FER1L6: variants seen among roughly 807,000 people sequenced by gnomAD.
FER1L6 encodes fer-1 like family member 6.
FER1L6 carries 177 observed loss-of-function variants against 219.2 expected under a neutral mutation model. The observed-to-expected ratio is 0.81, with a 90% CI of 0.71 to 0.91. FER1L6 has a LOEUF of 0.91. Among genes scored for constraint, FER1L6 ranks in the 40% least tolerant of loss-of-function variants. The probability of loss-of-function intolerance (pLI) is 0.00; values close to 1 mark genes in which losing one functional copy is unlikely to be tolerated. For synonymous variants in FER1L6, 768 were observed against 824.3 expected (o/e 0.93, Z 1.17); for missense variants, 2,153 against 2,259.9 (o/e 0.95, Z 0.96).
intron 20 of FER1L6, chr8:124,040,401 C>A: frequency 4.3e-6 from 1 of 233,348 alleles, no homozygotes. Context: ...GAAACATTTT[C>A]CAGTTTTGTG....
At chr8:123,950,969 G>T (rs1029818192) in intron 1 of FER1L6, among the ~76,000 whole-genome samples, 53 of 152,232 alleles carry the variant, frequency 3.5e-4, no homozygotes, top group African/African-American at 1.3e-3. Context: ...TGGGCTAATT[G>T]TAGGGGTTGA....
At chr8:123,962,870 C>A (rs866787538) in intron 2 of FER1L6, among the ~76,000 whole-genome samples, 1 of 152,104 alleles carries the variant, frequency 6.6e-6, no homozygotes, top group African/African-American at 2.4e-5. Context: ...TCAGGTGATC[C>A]ACTTGCCTCA....
intron 1 of FER1L6, among the ~76,000 whole-genome samples, chr8:123,879,877 C>G (rs988936469): frequency 1.3e-5 from 2 of 152,140 alleles, no homozygotes; most frequent in African/African-American, 4.8e-5. Context: ...ATCTCAGAAG[C>G]TGTTTGTCCA....
chr8:124,013,314 C>T, intron 14 of FER1L6, 117 bp from the exon 15 acceptor site: 2 of 554,528 alleles, frequency 3.6e-6, no homozygotes, highest in Non-Finnish European at 6.2e-6. Flanking sequence ...ATAAATCCTC[C>T]TTCATTGCCA....
intron 21 of FER1L6, chr8:124,046,163 C>A: frequency 2.8e-6 from 1 of 351,820 alleles, no homozygotes; most frequent in South Asian, 5.1e-5. Flanking sequence ...GAACGTCAGT[C>A]TACACACTTC....
chr8:124,045,004 TA>T (rs1421443764), intron 20 of FER1L6, among the ~76,000 whole-genome samples: 1 of 152,236 alleles, frequency 6.6e-6, no homozygotes, highest in African/African-American at 2.4e-5. Flanking sequence ...ACTATCAGTG[TA>T]AGAAAGTTGT....
intron 12 of FER1L6, among the ~76,000 whole-genome samples, chr8:123,995,716 G>A (rs1817102417): frequency 6.6e-6 from 1 of 151,828 alleles, no homozygotes; most frequent in African/African-American, 2.4e-5. Flanking sequence ...TTTTGAATTT[G>A]TTTGCTCTTG....
At chr8:123,966,128 G>T in intron 4 of FER1L6, 31 bp from the exon 5 acceptor site, 1 of 1,613,788 alleles carries the variant, frequency 6.2e-7, no homozygotes, top group African/African-American at 1.3e-5. Flanking sequence ...GGCGGTGTCC[G>T]GAATGGTGTC....
chr8:124,079,017 T>C (rs1310043064), intron 32 of FER1L6, among the ~76,000 whole-genome samples: 5 of 152,172 alleles, frequency 3.3e-5, no homozygotes, highest in African/African-American at 1.2e-4. Flanking sequence ...CAGCTTCTGG[T>C]GATCTGCTGG....
In FER1L6 at chr8:123,985,785, C is replaced by T. The variant is rs142292715; in HGVS notation, c.1411-283C>T. The T allele has an allele frequency of 3.7e-4, 102 of 278,692 alleles. 2 individuals carry two copies. The highest frequency in any genetic ancestry group is 1.4e-3 in the Admixed American group (28 of 20,188). 17.3% of individuals were successfully genotyped at this position (278,692 alleles called of 1,614,324 possible). ...TCACCAGCAGCATCCTAGAAAGATA[C>T]GCACACCAAGTTTATATGTTAAAAT... On this transcript the variant is annotated intron_variant, in intron 11 of 40. Coordinates refer to ENST00000522917, the MANE Select transcript of FER1L6 (RefSeq NM_001039112.2).
At chr8:124,054,173 T>C (rs1437785298) in intron 22 of FER1L6, among the ~76,000 whole-genome samples, 1 of 152,186 alleles carries the variant, frequency 6.6e-6, no homozygotes, top group Non-Finnish European at 1.5e-5. Context: ...CCTTCTTTAC[T>C]TTTCCTGTTC....
In FER1L6 at chr8:124,101,116, G is replaced by A; in HGVS notation, c.4903G>A (p.Asp1635Asn). Residue 1635 changes from aspartate to asparagine, a missense_variant, in exon 38 of 41, where the codon GAT (aspartate) becomes AAT (asparagine). Asp to Asn is a conservative substitution (Grantham distance 23, BLOSUM62 1). Transcript: ENST00000522917. ...YVKGWLKGLE[D>N]DKQETDVHYN... is the part of the protein sequence containing the mutation. Reference sequence around the variant, plus strand: ...TTTTAGGTGGTTAAAGGGCTTGGAGGATGACAAGCAGGAGACAGATGTGCA... The same window carrying A: ...TTTTAGGTGGTTAAAGGGCTTGGAGAATGACAAGCAGGAGACAGATGTGCA... 6.2e-7 allele frequency: 1 copy of A among 1,613,466 alleles called. No homozygotes were observed. Among genetic ancestry groups the A allele is most frequent in the Non-Finnish European group, 8.5e-7 (1 of 1,179,588 alleles).
chr8:124,065,177 C>G (rs569351510), intron 26 of FER1L6, among the ~76,000 whole-genome samples: 11 of 151,728 alleles, frequency 7.2e-5, no homozygotes, highest in Admixed American at 1.3e-4. Flanking sequence ...GTAGATCACT[C>G]GAGGCCAGGA....
intron 28 of FER1L6, among the ~76,000 whole-genome samples, chr8:124,068,941 T>C (rs553222632): frequency 6.6e-6 from 1 of 151,726 alleles, no homozygotes; most frequent in South Asian, 2.1e-4. Context: ...TATTTCTTTT[T>C]TTTTTTTTTT....
At chr8:123,909,739 G>T (rs1295153859) in intron 1 of FER1L6, among the ~76,000 whole-genome samples, 6 of 150,332 alleles carry the variant, frequency 4.0e-5, no homozygotes, top group African/African-American at 1.2e-4. Flanking sequence ...TCTGTCAAAT[G>T]GTGACAATGA....
At chr8:123,921,164 C>G (rs1340194482) in intron 1 of FER1L6, among the ~76,000 whole-genome samples, 1 of 152,134 alleles carries the variant, frequency 6.6e-6, no homozygotes, top group Non-Finnish European at 1.5e-5. Context: ...GCAAATATCT[C>G]TTCAAGATTC....
intron 1 of FER1L6, among the ~76,000 whole-genome samples, chr8:123,915,512 T>C (rs1009373550): frequency 9.9e-5 from 15 of 152,162 alleles, no homozygotes; most frequent in African/African-American, 3.6e-4. Context: ...ATTGGGCTGA[T>C]TGACTGTTAA....
Position 124,062,006 on chromosome 8 carries a change from A to G in FER1L6, c.3302A>G (p.Gln1101Arg). Residue 1101 changes from glutamine (Q) to arginine (R), a missense_variant, in exon 25 of 41, where the codon CAG (glutamine) becomes CGG (arginine). Gln to Arg is a conservative substitution (Grantham distance 43). Transcript: ENST00000522917. ...AGAGAGCCCCTTGCCCCCATCACAC[A>G]GGTGGATGGAACCCAGCCTGGGCAC... ...KLREPLAPIT[Q>R]VDGTQPGHDI... 1 of 1,614,080 alleles carries G rather than the reference A, an allele frequency of 6.2e-7. No homozygotes were observed. The highest frequency in any genetic ancestry group is 8.5e-7 in the Non-Finnish European group (1 of 1,179,966).
intron 13 of FER1L6, among the ~76,000 whole-genome samples, chr8:124,005,640 C>T (rs753251696): frequency 9.2e-5 from 14 of 152,228 alleles, no homozygotes; most frequent in South Asian, 6.2e-4. Flanking sequence ...GCCTTATTCA[C>T]ACACATATCT....
Sources: allele counts gnomAD v4.1 joint callset (sites outside exome capture counted in the v4.1 genomes callset), GRCh38; gene constraint gnomAD v4.1.1; transcripts MANE v1.5; gene names NCBI Gene and HGNC (gene_info 2026-07-23, HGNC 2026-07-21).